Variants in SOX30 observed in about 807,000 individuals in gnomAD.
SOX30 encodes transcription factor SOX-30.
Under a neutral mutation model 58.6 loss-of-function variants are expected in SOX30, and 17 were observed. The observed-to-expected ratio is 0.29, with a 90% CI of 0.20 to 0.44. The LOEUF is 0.44. SOX30 is among the 20% of genes least tolerant of loss of function. SOX30 has a pLI of 1.00. For synonymous variants in SOX30, 421 were observed against 400.2 expected, an observed-to-expected ratio of 1.05 and a Z score of -0.62; for missense variants, 951 against 965.8, an observed-to-expected ratio of 0.98 and a Z score of 0.20.
At chr5:157,654,173 A>G (rs1256033582), upstream of SOX30, among the ~76,000 whole-genome samples, 4 of 152,088 alleles carry the variant, frequency 2.6e-5, no homozygotes, top group Non-Finnish European at 5.9e-5. Context: ...TCAAAAAAAA[A>G]AAAAAAAACT....
chr5:157,648,548 C>T, intron 2 of SOX30, 109 bp downstream of exon 2: 1 of 984,032 alleles, frequency 1.0e-6, no homozygotes, highest in Non-Finnish European at 1.5e-6. Flanking sequence ...CTTTATTGTA[C>T]ATATCAGAAA....
At position 157,646,655 on chromosome 5, in the gene SOX30, G is replaced by T; in HGVS notation, c.1369C>A (p.Pro457Thr). 1 of 1,608,352 alleles carries T rather than the reference G, an allele frequency of 6.2e-7. No homozygotes were observed. Residue 457 changes from proline (P) to threonine (T), a missense_variant, in exon 3 of 5, where the codon CCC becomes ACC. Around this residue, in one of 7 missense-constraint regions of SOX30, gnomAD observed 381 missense variants for 390.0 expected, o/e 0.98. Coordinates refer to ENST00000265007, the MANE Select transcript of SOX30 (RefSeq NM_178424.2). ...AACTCACCAACTGGATGAGTGATGGGATTCTGTAGGCTGGGAATTACCACA... is the reference window on the plus strand; with the variant it reads ...AACTCACCAACTGGATGAGTGATGGTATTCTGTAGGCTGGGAATTACCACA... ...YSVVIPSLQN[P>T]ITHPVGETSP...
chr5:157,627,054 T>A (rs1271735312), intron 4 of SOX30, among the ~76,000 whole-genome samples: 1 of 152,216 alleles, frequency 6.6e-6, no homozygotes, highest in East Asian at 1.9e-4. Context: ...AGATGTGTGT[T>A]GAGCTATGCT....
intron 4 of SOX30, among the ~76,000 whole-genome samples, chr5:157,635,517 G>C (rs1239138181): frequency 1.3e-5 from 2 of 152,132 alleles, no homozygotes; most frequent in Admixed American, 6.5e-5. Context: ...CCAGCTACTC[G>C]GGAGGCTGAG....
intron 1 of SOX30, among the ~76,000 whole-genome samples, chr5:157,668,939 G>A (rs1361029986): frequency 6.6e-6 from 1 of 152,188 alleles, no homozygotes; most frequent in South Asian, 2.1e-4. Flanking sequence ...CATTTGTAAA[G>A]TGAGAATGGG....
chr5:157,643,823 A>C (rs1759127107), intron 3 of SOX30, among the ~76,000 whole-genome samples: 1 of 152,228 alleles, frequency 6.6e-6, no homozygotes, highest in Non-Finnish European at 1.5e-5. Flanking sequence ...ATATACATTA[A>C]CAACTGTATA....
rs1009128709 is a variant in SOX30, at chr5:157,669,502, ATTTATTTATTTAT to A, written c.-3-1663_-3-1651del. ...GCCCATCAATTTTATTTATTTATTT[ATTTATTTATTTAT>A]TTATTTATTTATTTATCTGAGACAA... is the stretch of plus-strand genomic sequence containing the variant. On this transcript the variant is annotated intron_variant, in intron 1 of 5. Transcript: ENST00000519442. Among the ~76,000 whole-genome samples the A allele has an allele frequency of 1.7e-4, 25 of 148,690 alleles. No individual in the cohort carries two copies. In the South Asian group the frequency reaches 5.1e-3, roughly 30 times the overall value.
intron 2 of SOX30, among the ~76,000 whole-genome samples, chr5:157,665,425 A>G (rs549019921): frequency 6.6e-5 from 10 of 152,112 alleles, no homozygotes; most frequent in Non-Finnish European, 1.5e-4. Context: ...AGGAAGGGGA[A>G]CATCACACAC....
At chr5:157,644,044 G>T (rs1163589637) in intron 3 of SOX30, among the ~76,000 whole-genome samples, 1 of 152,062 alleles carries the variant, frequency 6.6e-6, no homozygotes, top group Non-Finnish European at 1.5e-5. Flanking sequence ...ATATGATTGG[G>T]GAACAAAATA....
chr5:157,665,521 C>A (rs1759653002), intron 2 of SOX30, among the ~76,000 whole-genome samples: 1 of 151,756 alleles, frequency 6.6e-6, no homozygotes, highest in Admixed American at 6.6e-5. Flanking sequence ...ATGGGTGCAG[C>A]ACACCAACAT....
intron 3 of SOX30, among the ~76,000 whole-genome samples, chr5:157,645,553 T>C (rs1759168394): frequency 6.6e-6 from 1 of 151,498 alleles, no homozygotes; most frequent in Admixed American, 6.6e-5. Flanking sequence ...TCCCAGCTAC[T>C]AGGGAGCCTG....
At position 157,651,988 on chromosome 5, in the gene SOX30, C is replaced by T. The variant is rs1172070689; in HGVS notation, c.91G>A (p.Ala31Thr). 3 of 1,442,646 alleles carry T rather than the reference C, an allele frequency of 2.1e-6. No individual in the cohort carries two copies. The highest frequency in any genetic ancestry group is 1.5e-5 in the South Asian group (1 of 68,282). 89.4% of individuals were successfully genotyped at this position (1,442,646 alleles called of 1,614,324 possible). Residue 31 changes from alanine (A) to threonine (T), a missense_variant, in exon 1 of 5, where the codon GCA becomes ACA. This residue lies in a region of SOX30 where 363 missense variants were observed against 294.5 expected (regional missense o/e 1.23). Transcript: ENST00000265007. The stretch of plus-strand genomic sequence containing the variant: ...GACGGAGGGGGCTCCATGGCTGCTG[C>T]CCAAAAGGAGGTGCCCTCGACCGGC... ...PLPVEGTSFW[A>T]AAMEPPPSSP...
At chr5:157,648,058 T>C (rs932492285) in intron 2 of SOX30, among the ~76,000 whole-genome samples, 1 of 152,182 alleles carries the variant, frequency 6.6e-6, no homozygotes, top group Non-Finnish European at 1.5e-5. Context: ...TCTCTGCCAA[T>C]ATTTCAGAAA....
rs1311636995 is a variant in SOX30, at chr5:157,651,396, G to A, written c.683C>T (p.Ala228Val). Residue 228 changes from alanine (A) to valine (V), a missense_variant, in exon 1 of 5, where the codon GCG becomes GTG. Ala to Val is a moderately conservative substitution (Grantham distance 64). Transcript: ENST00000265007. ...AACCAGGCCATTGGACGCGGGCTCC[G>A]CGCCGAGCCTGCAGTCCTCGAGGAG... The part of the protein sequence containing the change: ...ERLLEDCRLG[A>V]EPASNGLVHG... 2 of 1,613,464 alleles carry A rather than the reference G, an allele frequency of 1.2e-6. No homozygotes were observed. Among genetic ancestry groups the A allele is most frequent in the East Asian group, 2.2e-5 (1 of 44,878 alleles).
chr5:157,659,917 A>T (rs772823235), intron 2 of SOX30, among the ~76,000 whole-genome samples: 3 of 152,234 alleles, frequency 2.0e-5, no homozygotes, highest in Non-Finnish European at 2.9e-5. Context: ...GGGGTTGTGG[A>T]TACCAAGGTT....
chr5:157,647,781 G>A, intron 2 of SOX30, among the ~76,000 whole-genome samples: 1 of 151,294 alleles, frequency 6.6e-6, no homozygotes, highest in Non-Finnish European at 1.5e-5. Context: ...GGATGGTCTT[G>A]ATCTCCTGAC....
rs570172679 is a variant in SOX30 at position 157,632,047 on chromosome 5, TAAAAAA to T, written c.1881-5332_1881-5327del. ...GACACAGCAAGACCCACCCCGTAAC[TAAAAAA>T]AAAAAAAAAAAAAAAAAAAAAAAGA... is the stretch of plus-strand genomic sequence containing the variant. On this transcript the variant is annotated intron_variant, in intron 4 of 4. Transcript: ENST00000265007. 3.7e-3 allele frequency among the ~76,000 whole-genome samples: 211 copies of T among 56,408 alleles called. 1 individual carries two copies. Among genetic ancestry groups the T allele is most frequent in the Middle Eastern group, 0.012 (1 of 84 alleles). The allele number at this position is 56,408 out of a possible 152,430, so 37.0% of individuals were successfully genotyped here.
intron 4 of SOX30, among the ~76,000 whole-genome samples, chr5:157,628,901 A>G (rs1471982547): frequency 6.6e-6 from 1 of 152,088 alleles, no homozygotes; most frequent in African/African-American, 2.4e-5. Context: ...TCAGCCTCCC[A>G]AAGTGCTGGG....
intron 4 of SOX30, among the ~76,000 whole-genome samples, chr5:157,634,255 C>T (rs1758874563): frequency 6.6e-6 from 1 of 152,170 alleles, no homozygotes; most frequent in Admixed American, 6.5e-5. Context: ...ACTCTGGTGC[C>T]CAGGTTGGAG....
Sources: gnomAD v4.1 joint callset for allele counts (sites outside exome capture counted in the v4.1 genomes callset) on GRCh38, gnomAD v4.1.1 for gene constraint, gnomAD v4.1.1 regional missense constraint, MANE v1.5 for transcripts, NCBI Gene and HGNC (gene_info 2026-07-23, HGNC 2026-07-21) for gene names.